ENDOV: variants seen among roughly 807,000 people sequenced by gnomAD.
The protein encoded by ENDOV is endonuclease V.
ENDOV carries 37 observed loss-of-function variants against 39.4 expected under a neutral mutation model. That is an observed-to-expected ratio of 0.94 (90% confidence interval 0.72 to 1.23). The LOEUF is 1.23. Among genes scored for constraint, ENDOV ranks in the 50% most tolerant of loss-of-function variants. The pLI is 0.00. For synonymous variants in ENDOV, 186 were observed against 163.4 expected, an observed-to-expected ratio of 1.14 and a Z score of -1.05; for missense variants, 441 against 375.7, an observed-to-expected ratio of 1.17 and a Z score of -1.44.
Position 80,421,863 on chromosome 17 carries a change from A to G in ENDOV, c.264A>G (p.Thr88=). The change falls in exon 3 of 10, where the codon ACA becomes ACG. Residue 88 remains threonine, a synonymous_variant. Coordinates refer to ENST00000518137, the MANE Select transcript of ENDOV (RefSeq NM_173627.5). ...VYEESRMVSL[T]APYVSGFLAF... is the part of the protein sequence containing the mutation. ...AGGAGAGCCGCATGGTCAGCCTCAC[A>G]GCCCCCTACGTGTCGGGCTTCCTGG... The G allele has an allele frequency of 6.2e-7, 1 of 1,604,356 alleles. No individual in the cohort carries two copies. The highest frequency in any genetic ancestry group is 1.7e-4 in the Middle Eastern group (1 of 6,018).
chr17:80,424,272 T>A (rs953527988), intron 5 of ENDOV: 11 of 399,014 alleles, frequency 2.8e-5, no homozygotes, highest in African/African-American at 4.1e-5. Flanking sequence ...TTAATAAAAA[T>A]CTGTTGAGTT....
At chr17:80,432,165 G>C (rs1026579871) in intron 9 of ENDOV, among the ~76,000 whole-genome samples, 10 of 152,160 alleles carry the variant, frequency 6.6e-5, no homozygotes, top group Admixed American at 6.5e-4. Context: ...TTCCTCACCG[G>C]GAACATGAAC....
At chr17:80,436,087 CT>C in intron 9 of ENDOV, 45 bp from the exon 10 acceptor site, 1 of 1,602,372 alleles carries the variant, frequency 6.2e-7, no homozygotes. Flanking sequence ...CTCTGAACGC[CT>C]TTTATTTCTT....
At chr17:80,424,043 C>T (rs527810085) in intron 5 of ENDOV, 5 of 372,146 alleles carry the variant, frequency 1.3e-5, no homozygotes, top group African/African-American at 2.1e-5. Context: ...AGGCCCCCCT[C>T]CCGCCAAGAC....
intron 2 of ENDOV, among the ~76,000 whole-genome samples, chr17:80,421,621 G>A (rs41298704): frequency 0.061 from 9,221 of 152,028 alleles, 892 homozygotes; most frequent in African/African-American, 0.21. Context: ...ACCAGGTCCC[G>A]GGGGTACCTG....
In ENDOV at chr17:80,422,940, C is replaced by T. The variant is rs189579005; in HGVS notation, c.404-580C>T. On this transcript the variant is annotated intron_variant, in intron 4 of 9. Coordinates refer to ENST00000518137, the MANE Select transcript of ENDOV (RefSeq NM_173627.5). ...GGTCTTGATCTCCTGACCTCGTGAT[C>T]CGCCTGCCTCGGCCTCCCAAAGTGC... Among the ~76,000 whole-genome samples, 165 of 152,248 alleles carry T rather than the reference C, an allele frequency of 1.1e-3. 2 individuals are homozygous for T. In the East Asian group the frequency reaches 0.028, roughly 26 times the overall value.
In ENDOV at chr17:80,436,414, A is replaced by G; in HGVS notation, c.*271A>G. ...ATGTGATGTGAGCTGTTAGATTTTC[A>G]AGGATGCTCTTCATCCAGCTGAAGA... On this transcript the variant is annotated 3_prime_UTR_variant, in exon 10 of 10. Transcript: ENST00000518137. 1 of 1,357,148 alleles carries G rather than the reference A, an allele frequency of 7.4e-7. No individual in the cohort carries two copies. The highest frequency in any genetic ancestry group is 9.7e-7 in the Non-Finnish European group (1 of 1,033,478). 84.1% of individuals were successfully genotyped at this position (1,357,148 alleles called of 1,614,324 possible).
At chr17:80,430,205 GC>G in intron 9 of ENDOV, 1 of 1,472,324 alleles carries the variant, frequency 6.8e-7, no homozygotes, top group Non-Finnish European at 9.0e-7. Context: ...CTCTATGGGG[GC>G]AAGTGCCAGA....
chr17:80,426,794 G>A (rs1453617344), intron 7 of ENDOV, among the ~76,000 whole-genome samples: 2 of 152,268 alleles, frequency 1.3e-5, no homozygotes, highest in Admixed American at 6.5e-5. Flanking sequence ...GGATGGCTGT[G>A]AGTTGGCAGC....
chr17:80,424,924 C>T, intron 5 of ENDOV, 108 bp from the exon 6 acceptor site: 2 of 913,522 alleles, frequency 2.2e-6, no homozygotes, highest in Non-Finnish European at 3.4e-6. Context: ...CACTGTACTT[C>T]AGCCTGGGCA....
chr17:80,430,257 G>A (rs2083244351), intron 9 of ENDOV: 1 of 1,475,206 alleles, frequency 6.8e-7, no homozygotes, highest in African/African-American at 1.4e-5. Flanking sequence ...GCCGACGAAG[G>A]GGACTCGGAG....
intron 2 of ENDOV, 99 bp from the exon 3 acceptor site, chr17:80,421,724 CGTAAG>C: frequency 1.4e-6 from 2 of 1,432,448 alleles, no homozygotes; most frequent in Admixed American, 2.0e-5. Flanking sequence ...ATGAGGGTGA[CGTAAG>C]GGAGAGGGAA....
chr17:80,419,685 C>T (rs2081724915), intron 2 of ENDOV: 2 of 702,616 alleles, frequency 2.8e-6, no homozygotes, highest in Non-Finnish European at 5.2e-6. Context: ...ACCACACTGT[C>T]CCAAGAGGCT....
rs181097033 is a variant in ENDOV, at chr17:80,423,899, A to C, written c.516+267A>C. 2.0e-4 allele frequency: 101 copies of C among 498,384 alleles called. 1 individual carries two copies. The highest frequency in any genetic ancestry group is 1.6e-3 in the Middle Eastern group (3 of 1,886). 30.9% of individuals were successfully genotyped at this position (498,384 alleles called of 1,614,324 possible). ...GCCTCTGAGCCACCGTGGCACACCA[A>C]GTAGGGCTAAGTCCTCCAGTTACTG... On this transcript the variant is annotated intron_variant, in intron 5 of 9. Transcript: ENST00000518137.
At chr17:80,433,639 T>C (rs747473200) in intron 9 of ENDOV, among the ~76,000 whole-genome samples, 4 of 152,238 alleles carry the variant, frequency 2.6e-5, no homozygotes, top group Admixed American at 1.3e-4. Flanking sequence ...CTGCCTGGCA[T>C]GTGGTAGGCT....
At chr17:80,433,191 T>C in intron 9 of ENDOV, 1 of 520,104 alleles carries the variant, frequency 1.9e-6, no homozygotes, top group Non-Finnish European at 3.8e-6. Flanking sequence ...GAGATCCCAC[T>C]GTCTCTTCCA....
chr17:80,422,263 G>A lies in ENDOV; in HGVS notation c.403+18G>A. On this transcript the variant is annotated intron_variant, in intron 4 of 9. Coordinates refer to ENST00000518137, the MANE Select transcript of ENDOV (RefSeq NM_173627.5). The stretch of plus-strand genomic sequence containing the variant: ...CCACCGAGGTAATCCTGCTCTTGGA[G>A]GTCCAGGGAGGGCACTGTGGGGAAG... 1 of 1,613,442 alleles carries A rather than the reference G, an allele frequency of 6.2e-7. No individual in the cohort carries two copies.
chr17:80,428,831 G>C (rs1425334798), intron 8 of ENDOV, among the ~76,000 whole-genome samples, 171 bp downstream of exon 8: 1 of 152,182 alleles, frequency 6.6e-6, no homozygotes, highest in South Asian at 2.1e-4. Context: ...GAGGAGAGTG[G>C]AGTGGGGTAG....
At chr17:80,426,503 T>G (rs547151559) in intron 7 of ENDOV, among the ~76,000 whole-genome samples, 4 of 151,596 alleles carry the variant, frequency 2.6e-5, no homozygotes, top group South Asian at 4.2e-4. Context: ...AAAAACAAAT[T>G]AGCCAAGTGT....
Sources: gnomAD v4.1 joint callset for allele counts (sites outside exome capture counted in the v4.1 genomes callset) on GRCh38, gnomAD v4.1.1 for gene constraint, MANE v1.5 for transcripts, NCBI Gene and HGNC (gene_info 2026-07-23, HGNC 2026-07-21) for gene names.